HIVEP2: variants seen among roughly 807,000 people sequenced by gnomAD.
HIVEP2 encodes transcription factor HIVEP2.
HIVEP2 carries 14 observed loss-of-function variants against 180.7 expected under a neutral mutation model. That is an observed-to-expected ratio of 0.08 (90% confidence interval 0.05 to 0.12). The LOEUF (loss-of-function observed/expected upper bound fraction) is 0.12, where lower values mean the gene tolerates loss of function less well. HIVEP2 is among the 10% of genes least tolerant of loss of function. HIVEP2 has a pLI of 1.00. For missense variants in HIVEP2, 2,579 were observed against 3,008.5 expected, an observed-to-expected ratio of 0.86 and a Z score of 3.34; for synonymous variants, 1,184 against 1,136.4, an observed-to-expected ratio of 1.04 and a Z score of -0.84.
At chr6:142,803,100 T>C (rs1776453434) in intron 2 of HIVEP2, among the ~76,000 whole-genome samples, 1 of 152,200 alleles carries the variant, frequency 6.6e-6, no homozygotes, top group South Asian at 2.1e-4. Context: ...AATGTCTGCA[T>C]TTGACCAGGT....
intron 1 of HIVEP2, among the ~76,000 whole-genome samples, chr6:142,900,689 C>A (rs879652602): frequency 1.4e-4 from 22 of 152,112 alleles, no homozygotes; most frequent in African/African-American, 4.1e-4. Flanking sequence ...GGCTTCCTTT[C>A]TGGAGAGAGA....
At chr6:142,878,196 C>T (rs971876852) in intron 1 of HIVEP2, among the ~76,000 whole-genome samples, 1 of 152,168 alleles carries the variant, frequency 6.6e-6, no homozygotes, top group Non-Finnish European at 1.5e-5. Flanking sequence ...ATCCACATGA[C>T]ATTGGCTTCA....
At chr6:142,894,519 T>G (rs569451335) in intron 1 of HIVEP2, among the ~76,000 whole-genome samples, 1 of 152,312 alleles carries the variant, frequency 6.6e-6, no homozygotes, top group South Asian at 2.1e-4. Flanking sequence ...TCAAGACAAC[T>G]GTAACTTTAT....
rs1387586102 is a variant in HIVEP2 at position 142,943,435 on chromosome 6, G to A, written c.-641+1664C>T. The stretch of plus-strand genomic sequence containing the variant: ...AAAGTTAAATGGCCTTTTTCTAGGA[G>A]GACAGATCATTGCAAATTTAATTAA... On this transcript the variant is annotated intron_variant, in intron 1 of 9. Coordinates refer to ENST00000367603, the MANE Select transcript of HIVEP2 (RefSeq NM_006734.4). This position sits in a 1 kb window ranked among gnomAD's most constrained non-coding sequence, Gnocchi z 4.5. Among the ~76,000 whole-genome samples, 3 of 152,134 alleles carry A rather than the reference G, an allele frequency of 2.0e-5. No homozygotes were observed. Among genetic ancestry groups the A allele is most frequent in the Non-Finnish European group, 4.4e-5 (3 of 68,030 alleles).
rs779272124 is a variant in HIVEP2, at chr6:142,771,393, G to A, written c.3346C>T (p.Arg1116Trp). ...EQLEHLHAGL[R>W]SGWHHGPPAV... The stretch of plus-strand genomic sequence containing the variant: ...GGCGGGCCATGGTGCCACCCGGACC[G>A]GAGGCCAGCATGCAGGTGCTCCAGC... Residue 1116 changes from arginine (R) to tryptophan (W), a missense_variant, in exon 5 of 10, where the codon CGG becomes TGG. Arg to Trp is a moderately radical substitution (Grantham distance 101, BLOSUM62 -3). Coordinates refer to ENST00000367603, the MANE Select transcript of HIVEP2 (RefSeq NM_006734.4). The surrounding 1 kb of genome is among the most constrained non-coding windows in gnomAD (Gnocchi z 5.4). 1.1e-5 allele frequency: 18 copies of A among 1,613,026 alleles called. No individual in the cohort carries two copies. The highest frequency in any genetic ancestry group is 4.4e-5 in the South Asian group (4 of 91,094).
chr6:142,779,814 T>C (rs1179908163), intron 3 of HIVEP2, among the ~76,000 whole-genome samples: 1 of 152,198 alleles, frequency 6.6e-6, no homozygotes, highest in African/African-American at 2.4e-5. Context: ...AAACCATTCT[T>C]ATACACTAAG....
At chr6:142,854,192 C>T (rs938727996) in intron 1 of HIVEP2, among the ~76,000 whole-genome samples, 8 of 152,122 alleles carry the variant, frequency 5.3e-5, no homozygotes, top group African/African-American at 1.9e-4. Flanking sequence ...CCTTAAGAGA[C>T]ACTAGGCAAT....
At position 142,937,277 on chromosome 6, in the gene HIVEP2, A is replaced by G. The variant is rs138515903; in HGVS notation, c.-641+7822T>C. ...ATTTCAGTCAAGAGTTTAATGGACC[A>G]TTTGAAAATATTTAATATTTTACTG... On this transcript the variant is annotated intron_variant, in intron 1 of 9. Transcript: ENST00000367603. Among the ~76,000 whole-genome samples the G allele has an allele frequency of 3.6e-3, 550 of 152,342 alleles. 4 individuals are homozygous for G. Among genetic ancestry groups the G allele is most frequent in the African/African-American group, 0.013 (521 of 41,578 alleles).
intron 1 of HIVEP2, among the ~76,000 whole-genome samples, chr6:142,912,012 A>G (rs1020840733): frequency 7.2e-5 from 11 of 152,364 alleles, no homozygotes; most frequent in Non-Finnish European, 7.3e-5. Flanking sequence ...ATTTGTGATC[A>G]AGATAATTAT....
intron 1 of HIVEP2, among the ~76,000 whole-genome samples, chr6:142,838,949 T>C (rs764386223): frequency 6.6e-6 from 1 of 152,262 alleles, no homozygotes; most frequent in African/African-American, 2.4e-5. Flanking sequence ...TTCTAACTGG[T>C]TGTCTAAGTG....
At chr6:142,819,165 C>A (rs1218434614) in intron 2 of HIVEP2, among the ~76,000 whole-genome samples, 1 of 151,798 alleles carries the variant, frequency 6.6e-6, no homozygotes, top group Non-Finnish European at 1.5e-5. Flanking sequence ...GCCCAGGATG[C>A]AATGAGCTAT....
intron 3 of HIVEP2, among the ~76,000 whole-genome samples, chr6:142,778,941 C>CA (rs377621610): frequency 4.6e-5 from 7 of 151,972 alleles, no homozygotes; most frequent in African/African-American, 1.2e-4. Flanking sequence ...GTTTGTAGTA[C>CA]AAAAAATGGC....
At chr6:142,839,819 C>A (rs1378846098) in intron 1 of HIVEP2, among the ~76,000 whole-genome samples, 1 of 152,104 alleles carries the variant, frequency 6.6e-6, no homozygotes, top group African/African-American at 2.4e-5. Context: ...TAATAGTCAT[C>A]AAACACTCTC....
intron 1 of HIVEP2, among the ~76,000 whole-genome samples, chr6:142,899,708 T>C (rs1010571484): frequency 3.3e-5 from 5 of 152,116 alleles, no homozygotes; most frequent in African/African-American, 4.8e-5. Context: ...GAAAACAACA[T>C]TTAGCTGTTG....
intron 1 of HIVEP2, among the ~76,000 whole-genome samples, chr6:142,924,855 A>G (rs1440722726): frequency 6.6e-6 from 1 of 152,250 alleles, no homozygotes; most frequent in Non-Finnish European, 1.5e-5. Context: ...GATTCAACTA[A>G]TAAGTCTAAG....
intron 2 of HIVEP2, among the ~76,000 whole-genome samples, chr6:142,810,704 G>C (rs1027401973): frequency 2.0e-5 from 3 of 147,328 alleles, no homozygotes; most frequent in Non-Finnish European, 3.0e-5. Context: ...GGAGGTTGCA[G>C]TGAGCTAAGA....
In HIVEP2 at chr6:142,760,591, A is replaced by G. The variant is rs1775203899; in HGVS notation, c.5697T>C (p.Asp1899=). Residue 1899 remains aspartate (D), a synonymous_variant, in exon 9 of 10, where the codon GAT becomes GAC. Coordinates refer to ENST00000367603, the MANE Select transcript of HIVEP2 (RefSeq NM_006734.4). ...CATCCTCACCATCTGATTCCTCAGC[A>G]TCGGAGAACTGATGATCAGTTGAAA... ...SSISTDHQFS[D]AEESDGEDGD... The G allele has an allele frequency of 1.2e-6, 2 of 1,613,566 alleles. No homozygotes were observed. Among genetic ancestry groups the G allele is most frequent in the Non-Finnish European group, 8.5e-7 (1 of 1,179,460 alleles).
At chr6:142,754,269 G>T (rs1357584166) in intron 9 of HIVEP2, among the ~76,000 whole-genome samples, 2 of 142,028 alleles carry the variant, frequency 1.4e-5, no homozygotes, top group African/African-American at 5.2e-5. Flanking sequence ...TGGATAATTG[G>T]CAAAAAAAAA....
intron 2 of HIVEP2, chr6:142,793,921 T>A (rs989402785): frequency 1.3e-5 from 2 of 151,970 alleles, no homozygotes; most frequent in Non-Finnish European, 2.9e-5. Flanking sequence ...CCTGCCTTGG[T>A]CTCCCAAAGT....
Sources: gnomAD v4.1 joint callset for allele counts (sites outside exome capture counted in the v4.1 genomes callset) on GRCh38, gnomAD v4.1.1 for gene constraint, Gnocchi (gnomAD v3.1) non-coding constraint, MANE v1.5 for transcripts, NCBI Gene and HGNC (gene_info 2026-07-23, HGNC 2026-07-21) for gene names.